ASIC2: variants seen among roughly 807,000 people sequenced by gnomAD.
ASIC2 encodes acid-sensing ion channel 2.
ASIC2 carries 25 observed loss-of-function variants against 57.3 expected under a neutral mutation model. The ratio of observed to expected loss-of-function variants is 0.44; its 90% CI spans 0.32 to 0.61. The LOEUF (loss-of-function observed/expected upper bound fraction) is 0.61. Among genes scored for constraint, ASIC2 ranks in the 20% least tolerant of loss-of-function variants. ASIC2 has a pLI of 0.06. For missense variants in ASIC2, 641 were observed against 738.1 expected (o/e 0.87, Z 1.52); for synonymous variants, 319 against 307.5 (o/e 1.04, Z -0.39).
intron 1 of ASIC2, among the ~76,000 whole-genome samples, chr17:33,579,921 A>T (rs1295554703): frequency 4.8e-5 from 7 of 144,496 alleles, no homozygotes; most frequent in Non-Finnish European, 9.5e-5. Flanking sequence ...TTTTACAGAG[A>T]GCTGATTGGT....
intron 1 of ASIC2, among the ~76,000 whole-genome samples, chr17:33,426,215 G>A (rs1249045826): frequency 6.6e-6 from 1 of 152,168 alleles, no homozygotes; most frequent in Admixed American, 6.5e-5. Context: ...ATAGCCCAAT[G>A]GTTTGGGGGA....
intron 1 of ASIC2, among the ~76,000 whole-genome samples, chr17:34,099,634 GAA>G (rs1184123949): frequency 8.6e-6 from 1 of 115,876 alleles, no homozygotes; most frequent in African/African-American, 3.3e-5. Context: ...AAAAGAAAAA[GAA>G]AGAAAGAAAA....
chr17:33,622,633 G>A lies in ASIC2; in HGVS notation c.556-510566C>T, dbSNP rs1045154574. On this transcript the variant is annotated intron_variant, in intron 1 of 9. Transcript: ENST00000359872. ...TTTCTCATATCTAGGTACATTACTT[G>A]TTTAAAGAAAGATGGAAGGAAGGTA... is the stretch of plus-strand genomic sequence containing the variant. Among the ~76,000 whole-genome samples, 11 of 152,270 alleles carry A rather than the reference G, an allele frequency of 7.2e-5. No homozygotes were observed. In the East Asian group the frequency reaches 1.5e-3, roughly 21 times the overall value.
intron 1 of ASIC2, among the ~76,000 whole-genome samples, chr17:33,454,294 T>G (rs577309915): frequency 1.1e-4 from 17 of 152,312 alleles, no homozygotes; most frequent in Admixed American, 1.0e-3. Flanking sequence ...TGACCAGTAG[T>G]ACAGTGGACG....
At chr17:33,275,174 G>A (rs571620733) in intron 1 of ASIC2, among the ~76,000 whole-genome samples, 1 of 152,190 alleles carries the variant, frequency 6.6e-6, no homozygotes, top group Non-Finnish European at 1.5e-5. Context: ...GCACTCCTGC[G>A]AGCCAAAGTA....
chr17:33,184,412 G>C (rs1906105404), intron 1 of ASIC2, among the ~76,000 whole-genome samples: 1 of 152,148 alleles, frequency 6.6e-6, no homozygotes, highest in Admixed American at 6.5e-5. Flanking sequence ...CGCCACCTGA[G>C]ACTTAGGGAG....
intron 1 of ASIC2, among the ~76,000 whole-genome samples, chr17:33,919,447 G>T (rs984243326): frequency 1.6e-4 from 25 of 152,266 alleles, no homozygotes; most frequent in Admixed American, 5.9e-4. Context: ...ATAGTGCTGG[G>T]ATAACTGTCT....
intron 1 of ASIC2, among the ~76,000 whole-genome samples, chr17:33,571,181 T>C (rs1916424901): frequency 6.6e-6 from 1 of 152,144 alleles, no homozygotes; most frequent in African/African-American, 2.4e-5. Flanking sequence ...GGCTATGACC[T>C]CAGGAGCCCT....
chr17:33,330,011 T>C (rs752748509), intron 1 of ASIC2, among the ~76,000 whole-genome samples: 1 of 152,126 alleles, frequency 6.6e-6, no homozygotes, highest in African/African-American at 2.4e-5. Flanking sequence ...AGGAAAAGGG[T>C]TGTGTTCTCA....
intron 1 of ASIC2, among the ~76,000 whole-genome samples, chr17:33,640,460 C>T (rs1906524721): frequency 6.6e-6 from 1 of 152,200 alleles, no homozygotes; most frequent in Non-Finnish European, 1.5e-5. Context: ...CCTCCTGATC[C>T]ACCTGGATTA....
intron 1 of ASIC2, among the ~76,000 whole-genome samples, chr17:33,262,866 G>A (rs558907450): frequency 6.2e-4 from 95 of 152,284 alleles, no homozygotes; most frequent in Non-Finnish European, 1.1e-3. Flanking sequence ...AGAAAGCCTC[G>A]CCCATGTGTA....
intron 1 of ASIC2, among the ~76,000 whole-genome samples, chr17:33,481,470 C>T (rs1223626296): frequency 6.6e-6 from 1 of 152,078 alleles, no homozygotes; most frequent in South Asian, 2.1e-4. Context: ...TGCTCTGCAT[C>T]CCAATGTTTC....
At chr17:34,119,776 C>T (rs1223460944) in intron 1 of ASIC2, among the ~76,000 whole-genome samples, 1 of 152,200 alleles carries the variant, frequency 6.6e-6, no homozygotes, top group Non-Finnish European at 1.5e-5. Context: ...AGCTCCTGTC[C>T]AGCCACAATT....
At chr17:33,536,665 G>A (rs947166841) in intron 1 of ASIC2, among the ~76,000 whole-genome samples, 6 of 152,156 alleles carry the variant, frequency 3.9e-5, no homozygotes, top group African/African-American at 1.4e-4. Flanking sequence ...GTAATTTTCT[G>A]CTCTTTCCCA....
chr17:33,458,294 T>C (rs1912521427), intron 1 of ASIC2, among the ~76,000 whole-genome samples: 1 of 152,218 alleles, frequency 6.6e-6, no homozygotes, highest in African/African-American at 2.4e-5. Flanking sequence ...TTGAGGATCA[T>C]TGGAGGATGA....
At chr17:33,219,804 C>A (rs750423157) in intron 1 of ASIC2, among the ~76,000 whole-genome samples, 4 of 152,146 alleles carry the variant, frequency 2.6e-5, no homozygotes, top group Admixed American at 2.0e-4. Context: ...TAGAGAAAAT[C>A]GTTGGCTCTG....
intron 1 of ASIC2, among the ~76,000 whole-genome samples, chr17:34,140,285 C>T (rs4795877): frequency 6.6e-6 from 1 of 151,924 alleles, no homozygotes. Context: ...CTAGAGAAAG[C>T]GGGGACCAAT....
intron 1 of ASIC2, among the ~76,000 whole-genome samples, chr17:33,454,451 C>A (rs1429756769): frequency 7.2e-5 from 11 of 152,174 alleles, no homozygotes; most frequent in Non-Finnish European, 2.9e-5. Context: ...AAACATCATG[C>A]CCATTGTAGG....
chr17:33,920,059 T>C (rs1418883277), intron 1 of ASIC2, among the ~76,000 whole-genome samples: 2 of 152,206 alleles, frequency 1.3e-5, no homozygotes, highest in Non-Finnish European at 2.9e-5. Context: ...GGAACACTTA[T>C]ACACTGCTGG....
Sources: allele counts gnomAD v4.1 joint callset (sites outside exome capture counted in the v4.1 genomes callset), GRCh38; gene constraint gnomAD v4.1.1; transcripts MANE v1.5; gene names NCBI Gene and HGNC (gene_info 2026-07-23, HGNC 2026-07-21).